The following SYN3 variants were observed in gnomAD, a reference collection of about 807,000 sequenced individuals.
SYN3 encodes synapsin-3.
In SYN3, 35 loss-of-function variants were observed where a neutral mutation model predicts 65.8. The observed-to-expected ratio is 0.53, with a 90% CI of 0.41 to 0.70. The LOEUF is 0.70. Among genes scored for constraint, SYN3 ranks in the 30% least tolerant of loss-of-function variants. The pLI is 0.00. For synonymous variants in SYN3, 270 were observed against 292.9 expected, an observed-to-expected ratio of 0.92 and a Z score of 0.80; for missense variants, 680 against 749.0, an observed-to-expected ratio of 0.91 and a Z score of 1.08.
chr22:32,516,194 A>G (rs2057771178), intron 13 of SYN3, among the ~76,000 whole-genome samples: 2 of 142,284 alleles, frequency 1.4e-5, no homozygotes, highest in South Asian at 2.6e-4. Context: ...GATCTGAACA[A>G]TTTTATTATT....
At chr22:32,528,844 TAA>T in intron 11 of SYN3, 28 bp downstream of exon 11, 1 of 1,613,824 alleles carries the variant, frequency 6.2e-7, no homozygotes, top group Non-Finnish European at 8.5e-7. Flanking sequence ...CTCATGGCTA[TAA>T]AGTCTCCTTT....
chr22:32,932,576 A>G (rs2050663272), intron 3 of SYN3, among the ~76,000 whole-genome samples: 3 of 152,116 alleles, frequency 2.0e-5, no homozygotes, highest in Admixed American at 2.0e-4. Context: ...GGCAGGGGCA[A>G]GAGATGGGGA....
chr22:32,796,606 G>A (rs1034946826), intron 6 of SYN3, among the ~76,000 whole-genome samples: 1 of 152,178 alleles, frequency 6.6e-6, no homozygotes, highest in East Asian at 1.9e-4. Flanking sequence ...GCCCCACTGA[G>A]GGTCTGGCCA....
intron 4 of SYN3, among the ~76,000 whole-genome samples, chr22:32,878,119 T>A (rs1016252282): frequency 2.0e-5 from 3 of 152,108 alleles, no homozygotes; most frequent in Admixed American, 6.5e-5. Flanking sequence ...GTGTGCACAA[T>A]CACCGTGCAA....
chr22:32,678,142 A>AT (rs2060472118), intron 6 of SYN3, among the ~76,000 whole-genome samples: 1 of 152,100 alleles, frequency 6.6e-6, no homozygotes, highest in African/African-American at 2.4e-5. Flanking sequence ...ATCTGGGGAG[A>AT]TTCGTGGCTG....
At chr22:32,842,781 C>G (rs1172365771) in intron 6 of SYN3, among the ~76,000 whole-genome samples, 2 of 152,108 alleles carry the variant, frequency 1.3e-5, no homozygotes, top group African/African-American at 4.8e-5. Flanking sequence ...AAGGTCTAAA[C>G]AGATGATACG....
At chr22:33,017,257 C>T (rs937063284) in intron 1 of SYN3, among the ~76,000 whole-genome samples, 2 of 152,106 alleles carry the variant, frequency 1.3e-5, no homozygotes, top group African/African-American at 2.4e-5. Flanking sequence ...GCTGTTCTAT[C>T]GGTCATTGTG....
chr22:32,864,544 G>A (rs1056670775), intron 6 of SYN3: 1 of 167,528 alleles, frequency 6.0e-6, no homozygotes, highest in African/African-American at 2.4e-5. Context: ...ATTAAAATAT[G>A]AGTTGAAATC....
chr22:32,691,940 T>C (rs2060666491), intron 6 of SYN3, among the ~76,000 whole-genome samples: 1 of 151,872 alleles, frequency 6.6e-6, no homozygotes. Flanking sequence ...TGGTAGGAAA[T>C]ACACTGGTAG....
chr22:32,930,656 T>C (rs2050601959), intron 4 of SYN3, among the ~76,000 whole-genome samples: 1 of 152,174 alleles, frequency 6.6e-6, no homozygotes, highest in Non-Finnish European at 1.5e-5. Context: ...CTCAAAGCTT[T>C]TCCTGTTTTC....
At chr22:32,989,832 C>T (rs1441862696) in intron 2 of SYN3, among the ~76,000 whole-genome samples, 3 of 55,674 alleles carry the variant, frequency 5.4e-5, no homozygotes, top group Non-Finnish European at 1.2e-4. Context: ...GAGACTCCAT[C>T]TTCAAAAAAA....
intron 1 of SYN3, among the ~76,000 whole-genome samples, chr22:33,013,514 G>C: frequency 6.6e-6 from 1 of 152,044 alleles, no homozygotes; most frequent in Non-Finnish European, 1.5e-5. Flanking sequence ...ATTAAGTCAA[G>C]CTAATTAACA....
At chr22:32,659,564 A>G (rs950519980) in intron 6 of SYN3, among the ~76,000 whole-genome samples, 2 of 152,132 alleles carry the variant, frequency 1.3e-5, no homozygotes, top group Non-Finnish European at 2.9e-5. Context: ...TTGGATTGCT[A>G]GACATTCTTT....
chr22:32,962,168 G>A (rs936620760), intron 3 of SYN3, among the ~76,000 whole-genome samples: 15 of 123,004 alleles, frequency 1.2e-4, no homozygotes, highest in Admixed American at 7.4e-4. Context: ...ACAGAGTCTC[G>A]TTCTGTCGCC....
At chr22:32,667,858 C>A (rs1279435115) in intron 6 of SYN3, among the ~76,000 whole-genome samples, 1 of 45,070 alleles carries the variant, frequency 2.2e-5, no homozygotes, top group Non-Finnish European at 4.6e-5. Flanking sequence ...AATGCAGTGG[C>A]GCCATCTCTG....
At chr22:33,035,568 G>A (rs758234417) in intron 1 of SYN3, among the ~76,000 whole-genome samples, 1 of 152,088 alleles carries the variant, frequency 6.6e-6, no homozygotes, top group African/African-American at 2.4e-5. Context: ...TTAGGTCTAC[G>A]ATCTAAATCA....
intron 2 of SYN3, among the ~76,000 whole-genome samples, chr22:32,982,269 C>T (rs1163770447): frequency 6.6e-6 from 1 of 151,950 alleles, no homozygotes; most frequent in Non-Finnish European, 1.5e-5. Flanking sequence ...CCAGTCTCAC[C>T]CATTTCTCTA....
intron 6 of SYN3, among the ~76,000 whole-genome samples, chr22:32,792,566 C>T (rs560424707): frequency 7.9e-5 from 12 of 152,216 alleles, no homozygotes; most frequent in East Asian, 1.9e-4. Flanking sequence ...CTACGTAATA[C>T]GAATGTAAAT....
At chr22:32,526,920 C>T (rs770356181) in intron 12 of SYN3, among the ~76,000 whole-genome samples, 7 of 152,140 alleles carry the variant, frequency 4.6e-5, no homozygotes, top group Non-Finnish European at 7.4e-5. Context: ...GGTGCCAGAG[C>T]GAGTGTGCCC....
Sources: allele counts gnomAD v4.1 joint callset (sites outside exome capture counted in the v4.1 genomes callset), GRCh38; gene constraint gnomAD v4.1.1; transcripts MANE v1.5; gene names NCBI Gene and HGNC (gene_info 2026-07-23, HGNC 2026-07-21).